Variants in NFATC1 observed in about 807,000 individuals in gnomAD.
The protein encoded by NFATC1 is nuclear factor of activated T cells 1, also known as nuclear factor of activated T-cells, cytoplasmic 1.
A neutral mutation model predicts 76.0 loss-of-function variants in NFATC1; 22 were observed. The observed-to-expected ratio is 0.29, with a 90% CI of 0.21 to 0.41. The LOEUF (loss-of-function observed/expected upper bound fraction) is 0.41. Among genes scored for constraint, NFATC1 ranks in the 10% least tolerant of loss-of-function variants. The pLI is 1.00. For synonymous variants in NFATC1, 704 were observed against 613.1 expected, an observed-to-expected ratio of 1.15 and a Z score of -2.19; for missense variants, 1,357 against 1,337.7, an observed-to-expected ratio of 1.01 and a Z score of -0.23.
intron 1 of NFATC1, among the ~76,000 whole-genome samples, chr18:79,408,259 C>T (rs1040968222): frequency 2.0e-5 from 3 of 152,188 alleles, no homozygotes; most frequent in African/African-American, 7.2e-5. Context: ...AATAAAGTAT[C>T]TTCCAGCCAG....
At chr18:79,512,502 G>C (rs1006312942) in intron 9 of NFATC1, among the ~76,000 whole-genome samples, 1 of 152,226 alleles carries the variant, frequency 6.6e-6, no homozygotes, top group Admixed American at 6.5e-5. Flanking sequence ...AGCCGGAGCA[G>C]CATCTGTGGC....
intron 2 of NFATC1, among the ~76,000 whole-genome samples, chr18:79,412,186 G>T (rs373045619): frequency 1.1e-3 from 174 of 152,250 alleles, no homozygotes; most frequent in Non-Finnish European, 2.3e-3. Context: ...CTGGAATTCC[G>T]CTGGGTCCAC....
rs774632735 is a variant in NFATC1 at position 79,411,332 on chromosome 18, G to A, written c.1057G>A (p.Val353Ile). The A allele has an allele frequency of 2.0e-5, 32 of 1,599,178 alleles. No individual in the cohort carries two copies. The highest frequency in any genetic ancestry group is 1.7e-4 in the Middle Eastern group (1 of 6,042). The change falls in exon 2 of 10, where the codon GTC becomes ATC. Residue 353 changes from valine (V) to isoleucine (I), a missense_variant. Val to Ile is a conservative substitution (Grantham distance 29). Transcript: ENST00000427363. ...CTCAGTGGCGCTCAAGGTGGAGCCC[G>A]TCGGGGAGGACCTGGGCAGCCCCCC... ...PPSVALKVEPVGEDLGSPPPP... is the reference protein window; with the variant it reads ...PPSVALKVEPIGEDLGSPPPP...
At chr18:79,519,265 C>G (rs746714303) in intron 9 of NFATC1, among the ~76,000 whole-genome samples, 1 of 152,222 alleles carries the variant, frequency 6.6e-6, no homozygotes, top group African/African-American at 2.4e-5. Flanking sequence ...GTTTCACTAC[C>G]ATCTGAAAAA....
intron 9 of NFATC1, among the ~76,000 whole-genome samples, chr18:79,504,444 C>T (rs958473941): frequency 2.0e-5 from 3 of 152,170 alleles, no homozygotes; most frequent in Non-Finnish European, 4.4e-5. Context: ...AGTCAGGACG[C>T]ACCCAGCTCT....
chr18:79,479,682 C>T (rs540114517), intron 8 of NFATC1, among the ~76,000 whole-genome samples: 1 of 152,358 alleles, frequency 6.6e-6, no homozygotes, highest in East Asian at 1.9e-4. Flanking sequence ...AGAGAACATC[C>T]CGCTGCATCC....
intron 1 of NFATC1, chr18:79,402,354 C>T: frequency 1.0e-6 from 1 of 985,438 alleles, no homozygotes; most frequent in Non-Finnish European, 1.2e-6. Flanking sequence ...TCTCCTGACC[C>T]AGAAGCAGGT....
rs149171199 is a variant in NFATC1 at position 79,486,463 on chromosome 18, G to T, written c.2308G>T (p.Asp770Tyr). The T allele has an allele frequency of 1.9e-5, 30 of 1,610,266 alleles. No individual in the cohort carries two copies. Among genetic ancestry groups the T allele is most frequent in the Non-Finnish European group, 2.5e-5 (29 of 1,179,830 alleles). Residue 770 changes from aspartate (D) to tyrosine (Y), a missense_variant, in exon 9 of 10, where the codon GAC becomes TAC. Around this residue, in one of 3 missense-constraint regions of NFATC1, gnomAD observed 424 missense variants for 395.4 expected, o/e 1.07. Transcript: ENST00000427363. ...CCCTGGCGTGAGCCCCAAGCTCCAC[G>T]ACCTTTCTCCCGCTGCCTACACCAA... is the stretch of plus-strand genomic sequence containing the variant. ...AAPGVSPKLH[D>Y]LSPAAYTKGV... is the part of the protein sequence containing the mutation.
At chr18:79,466,166 C>T (rs2088483384) in intron 7 of NFATC1, among the ~76,000 whole-genome samples, 1 of 152,280 alleles carries the variant, frequency 6.6e-6, no homozygotes, top group East Asian at 1.9e-4. Flanking sequence ...AATGAAAGAG[C>T]CTGGACCTCA....
At chr18:79,474,255 C>T (rs1465356157) in intron 8 of NFATC1, among the ~76,000 whole-genome samples, 1 of 123,080 alleles carries the variant, frequency 8.1e-6, no homozygotes, top group African/African-American at 3.4e-5. Context: ...CTCGCGCTCA[C>T]TGTCGACGTA....
At position 79,461,646 on chromosome 18, in the gene NFATC1, C is replaced by T. The variant is rs575556027; in HGVS notation, c.1959+280C>T. 3.3e-5 allele frequency among the ~76,000 whole-genome samples: 5 copies of T among 152,314 alleles called. No individual in the cohort carries two copies. The East Asian group carries it at 9.6e-4, about 29-fold the overall frequency. The stretch of plus-strand genomic sequence containing the variant: ...GACAGGCTGAGGGCCACCTCACACA[C>T]CCTGGCGCTGAGACAGCCCAGGGAA... On this transcript the variant is annotated intron_variant, in intron 7 of 9. Coordinates refer to ENST00000427363, the MANE Select transcript of NFATC1 (RefSeq NM_001278669.2).
chr18:79,445,312 C>T (rs1384171484), intron 3 of NFATC1, among the ~76,000 whole-genome samples: 1 of 152,214 alleles, frequency 6.6e-6, no homozygotes, highest in Non-Finnish European at 1.5e-5. Flanking sequence ...GCTGCCGTAT[C>T]ATCCTGGCCA....
At chr18:79,402,072 G>A (rs1022573298) in intron 1 of NFATC1, among the ~76,000 whole-genome samples, 4 of 152,210 alleles carry the variant, frequency 2.6e-5, no homozygotes, top group East Asian at 1.9e-4. Context: ...GGCTTGGCAC[G>A]TGGTCAGCGC....
chr18:79,410,247 G>C lies in NFATC1; in HGVS notation c.128-156G>C. On this transcript the variant is annotated intron_variant, in intron 1 of 9. Transcript: ENST00000427363. This position sits in a 1 kb window ranked among gnomAD's most constrained non-coding sequence, Gnocchi z 6.7. Reference sequence around the variant, plus strand: ...GGGCTGTCACTCCAAGTCGCCCGGAGCTGTCCGGCAGCGTGGTCTCAGGGA... The same window carrying C: ...GGGCTGTCACTCCAAGTCGCCCGGACCTGTCCGGCAGCGTGGTCTCAGGGA... The C allele has an allele frequency of 2.4e-6, 3 of 1,259,324 alleles. No homozygotes were observed. The South Asian group carries it at 4.1e-5, about 17-fold the overall frequency. 78.0% of individuals were successfully genotyped at this position (1,259,324 alleles called of 1,614,324 possible).
chr18:79,464,955 T>A (rs1568995168), intron 7 of NFATC1, among the ~76,000 whole-genome samples: 1 of 151,898 alleles, frequency 6.6e-6, no homozygotes, highest in Admixed American at 6.6e-5. Context: ...TCCTCCCACC[T>A]GGGCCTCCCA....
rs1489804456 is a variant in NFATC1, at chr18:79,520,948, T to C, written c.2783-6580T>C. ...GTGTGTGGGAGGGAGCATCCACTGA[T>C]GTGTGTGTCTGTGTGTGGGGGGGCA... is the stretch of plus-strand genomic sequence containing the variant. On this transcript the variant is annotated intron_variant, in intron 9 of 9. Coordinates refer to ENST00000427363, the MANE Select transcript of NFATC1 (RefSeq NM_001278669.2). 1.2e-4 allele frequency among the ~76,000 whole-genome samples: 12 copies of C among 96,172 alleles called. 1 individual carries two copies. Among genetic ancestry groups the C allele is most frequent in the African/African-American group, 4.6e-4 (11 of 23,860 alleles). 63.1% of individuals were successfully genotyped at this position (96,172 alleles called of 152,430 possible).
At position 79,425,916 on chromosome 18, in the gene NFATC1, G is replaced by A. The variant is rs73494214; in HGVS notation, c.1227-7663G>A. On this transcript the variant is annotated intron_variant, in intron 2 of 9. Coordinates refer to ENST00000427363, the MANE Select transcript of NFATC1 (RefSeq NM_001278669.2). ...AGACTTTTAAACACAGATAAACCACGATAAATGAGTCCTGCACCAGCGTGG... is the reference window on the plus strand; with the variant it reads ...AGACTTTTAAACACAGATAAACCACAATAAATGAGTCCTGCACCAGCGTGG... 2.0e-3 allele frequency among the ~76,000 whole-genome samples: 305 copies of A among 152,266 alleles called. 1 individual carries two copies. The highest frequency in any genetic ancestry group is 6.9e-3 in the African/African-American group (288 of 41,530).
chr18:79,432,113 T>C (rs2086611612), intron 2 of NFATC1, among the ~76,000 whole-genome samples: 1 of 152,254 alleles, frequency 6.6e-6, no homozygotes, highest in South Asian at 2.1e-4. Context: ...GCTCTGCGAC[T>C]GCATCGCATG....
Position 79,396,067 on chromosome 18 carries a change from C to T in NFATC1, c.-158C>T, listed in dbSNP as rs1329236123. On this transcript the variant is annotated 5_prime_UTR_variant, in exon 1 of 10. Transcript: ENST00000427363. ...GTCCTAGGGCCGCGGCCGGGCCCCG[C>T]CACGCGCGCACACGCCCCTCGATGA... The T allele has an allele frequency of 9.6e-6, 9 of 933,964 alleles. No homozygotes were observed. In the East Asian group the frequency reaches 2.4e-4, roughly 25 times the overall value. The allele number at this position is 933,964 out of a possible 1,614,324, so 57.9% of individuals were successfully genotyped here.
Sources: gnomAD v4.1 joint callset for allele counts (sites outside exome capture counted in the v4.1 genomes callset) on GRCh38, gnomAD v4.1.1 for gene constraint, gnomAD v4.1.1 regional missense constraint, Gnocchi (gnomAD v3.1) non-coding constraint, MANE v1.5 for transcripts, NCBI Gene and HGNC (gene_info 2026-07-23, HGNC 2026-07-21) for gene names.